Variants in GABRE observed in about 807,000 individuals in gnomAD.
GABRE encodes the protein gamma-aminobutyric acid receptor subunit epsilon.
A neutral mutation model predicts 31.0 loss-of-function variants in GABRE; 20 were observed. The ratio of observed to expected loss-of-function variants is 0.64; its 90% CI spans 0.45 to 0.94. The LOEUF is 0.94. Ranked by LOEUF, GABRE falls within the 40% of genes least tolerant of loss-of-function variation. The pLI is 0.00. For synonymous variants in GABRE, 155 were observed against 150.6 expected (o/e 1.03, Z -0.21); for missense variants, 420 against 410.7 (o/e 1.02, Z -0.20).
chrX:151,967,046 A>T lies in GABRE; in HGVS notation c.342+2623T>A, dbSNP rs150659187. Among the ~76,000 whole-genome samples the T allele has an allele frequency of 2.8e-3, 308 of 111,763 alleles. 1 individual carries two copies. The highest frequency in any genetic ancestry group is 1.8e-3 in the Non-Finnish European group (97 of 53,156). On this transcript the variant is annotated intron_variant, in intron 3 of 8. Coordinates refer to ENST00000370328, the MANE Select transcript of GABRE (RefSeq NM_004961.4). ...GAAATTGGCTTCCCAAACAGCAAGG[A>T]GATTTTAGTCACAAATTCTCCACTA...
intron 6 of GABRE, chrX:151,958,644 G>T (rs779547865): frequency 1.1e-5 from 4 of 377,360 alleles, no homozygotes; most frequent in South Asian, 9.8e-5. Context: ...GGAACCACTA[G>T]TGACTTGAAA....
intron 3 of GABRE, among the ~76,000 whole-genome samples, chrX:151,967,705 T>C: frequency 8.9e-6 from 1 of 112,721 alleles, no homozygotes; most frequent in Non-Finnish European, 1.9e-5. Context: ...AATCTGATTA[T>C]CAAGGGAAGA....
In GABRE at chrX:151,953,657, A is replaced by C. The variant is rs1414731169; in HGVS notation, c.*1044T>G. 8.9e-6 allele frequency: 1 copy of C among 112,376 alleles called. No individual in the cohort carries two copies. Among genetic ancestry groups the C allele is most frequent in the African/African-American group, 3.2e-5 (1 of 30,880 alleles). The allele number at this position is 112,376 out of a possible 1,213,427, so 9.3% of individuals were successfully genotyped here. A position where few individuals can be genotyped will look rare whatever the true frequency, so the allele number is the denominator to read the frequency against. On this transcript the variant is annotated 3_prime_UTR_variant, in exon 9 of 9. Coordinates refer to ENST00000370328, the MANE Select transcript of GABRE (RefSeq NM_004961.4). ...ATACAAATTTAAGGGAATTTGATTG[A>C]TTGATTGTGATGGTTAGAGTGCCCC... is the stretch of plus-strand genomic sequence containing the variant.
rs370044001 is a variant in GABRE, at chrX:151,955,103, G to T, written c.1138-19C>A. 1 of 1,198,761 alleles carries T rather than the reference G, an allele frequency of 8.3e-7. No homozygotes were observed. Among genetic ancestry groups the T allele is most frequent in the Non-Finnish European group, 1.1e-6 (1 of 888,382 alleles). ...TACGAGGCTAAAATGGACAAGGAAAGAAGTGGGGAAAAGTCAAGGGAAGAT... is the reference window on the plus strand; with the variant it reads ...TACGAGGCTAAAATGGACAAGGAAATAAGTGGGGAAAAGTCAAGGGAAGAT... On this transcript the variant is annotated intron_variant, in intron 8 of 8. Coordinates refer to ENST00000370328, the MANE Select transcript of GABRE (RefSeq NM_004961.4).
intron 1 of GABRE, chrX:151,972,809 C>T (rs1471285521): frequency 5.2e-5 from 13 of 248,447 alleles, no homozygotes; most frequent in Non-Finnish European, 6.7e-5. Flanking sequence ...TACCTTTCCC[C>T]AGCCAGCCAT....
chrX:151,962,493 C>T lies in GABRE; in HGVS notation c.493G>A (p.Glu165Lys), dbSNP rs769356968. The change falls in exon 4 of 9, where the codon GAG becomes AAG. Residue 165 changes from glutamate (E) to lysine (K), a missense_variant. Coordinates refer to ENST00000370328, the MANE Select transcript of GABRE (RefSeq NM_004961.4). Reference protein sequence around the residue: ...TFFRNSKRTHEHEITMPNQMV... With the variant: ...TFFRNSKRTHKHEITMPNQMV... ...TGGTTGGGCATGGTGATCTCATGCT[C>T]GTGGGTCCTCTTAGAATTCCTAAAA... is the stretch of plus-strand genomic sequence containing the variant. The T allele has an allele frequency of 4.1e-6, 5 of 1,211,114 alleles. No individual in the cohort carries two copies. Among genetic ancestry groups the T allele is most frequent in the Admixed American group, 2.2e-5 (1 of 45,955 alleles).
chrX:151,967,466 T>C (rs774872317), intron 3 of GABRE, among the ~76,000 whole-genome samples: 2 of 111,893 alleles, frequency 1.8e-5, no homozygotes, highest in Admixed American at 1.9e-4. Context: ...CGTGAGCCAC[T>C]TTCCCCACTC....
chrX:151,957,759 C>A, intron 6 of GABRE: 4 of 217,638 alleles, frequency 1.8e-5, no homozygotes, highest in African/African-American at 5.8e-5. Context: ...GCTGATGAAC[C>A]AAAGCAAAAA....
intron 1 of GABRE, among the ~76,000 whole-genome samples, chrX:151,974,209 C>T (rs1444879437): frequency 8.9e-6 from 1 of 111,988 alleles, no homozygotes; most frequent in Non-Finnish European, 1.9e-5. Flanking sequence ...CTGCCCTGGC[C>T]GGTCACCCCG....
chrX:151,964,576 T>A (rs1451306297), intron 3 of GABRE, among the ~76,000 whole-genome samples: 2 of 111,663 alleles, frequency 1.8e-5, no homozygotes. Context: ...GCTGTGATGC[T>A]ACTCCAGCCA....
chrX:151,962,348 C>T, intron 4 of GABRE, 75 bp downstream of exon 4: 1 of 914,358 alleles, frequency 1.1e-6, no homozygotes, highest in Non-Finnish European at 1.6e-6. Context: ...AGATCTCTGC[C>T]CATGGATCTT....
Position 151,965,160 on chromosome X carries a change from G to C in GABRE, c.343-2517C>G, listed in dbSNP as rs188226760. The stretch of plus-strand genomic sequence containing the variant: ...AGCGAGACTCCATCTCAGGGGAGCT[G>C]GGGGGGAAAGGAGTGTTTTGAGTCA... On this transcript the variant is annotated intron_variant, in intron 3 of 8. Transcript: ENST00000370328. Among the ~76,000 whole-genome samples, 24 of 111,307 alleles carry C rather than the reference G, an allele frequency of 2.2e-4. 1 individual carries two copies. Among genetic ancestry groups the C allele is most frequent in the African/African-American group, 7.8e-4 (24 of 30,652 alleles).
intron 3 of GABRE, among the ~76,000 whole-genome samples, chrX:151,968,841 G>A (rs943078557): frequency 8.9e-6 from 1 of 112,229 alleles, no homozygotes. Context: ...GCAAGATCAG[G>A]TAAACACCTG....
rs747540020 is a variant in GABRE, at chrX:151,955,769, C to T, written c.876G>A (p.Thr292=). The part of the protein sequence containing the change: ...FQNYVPSSVT[T]MLSWVSFWIK... The stretch of plus-strand genomic sequence containing the variant: ...TCCAAAAGGAAACCCAGGAGAGCAT[C>T]GTGGTCACGGAAGAAGGGACATAGT... The change falls in exon 7 of 9, where the codon ACG becomes ACA. Residue 292 remains threonine (T), a synonymous_variant. Coordinates refer to ENST00000370328, the MANE Select transcript of GABRE (RefSeq NM_004961.4). The T allele has an allele frequency of 5.0e-6, 6 of 1,211,874 alleles. No homozygotes were observed. Among genetic ancestry groups the T allele is most frequent in the East Asian group, 3.0e-5 (1 of 33,830 alleles).
At chrX:151,958,361 G>T (rs1291346485) in intron 6 of GABRE, 1 of 245,208 alleles carries the variant, frequency 4.1e-6, no homozygotes, top group African/African-American at 3.0e-5. Context: ...GAGCACGTAA[G>T]TATGCTCCAG....
At position 151,955,851 on chromosome X, in the gene GABRE, A is replaced by C. The variant is rs1365501425; in HGVS notation, c.794T>G (p.Met265Arg). The change falls in exon 7 of 9, where the codon ATG (methionine) becomes AGG (arginine). Residue 265 changes from methionine (M) to arginine (R), a missense_variant. Met to Arg is a moderately conservative substitution (Grantham distance 91). Transcript: ENST00000370328. ...CACATTGAAGAAAATCGTCATGACC[A>C]TGAAGTCACCTGAAAGACACAAAAA... ...EIITTPVGDF[M>R]VMTIFFNVSR... is the part of the protein sequence containing the mutation. 1 of 1,210,458 alleles carries C rather than the reference A, an allele frequency of 8.3e-7. No individual in the cohort carries two copies. The highest frequency in any genetic ancestry group is 2.2e-5 in the Admixed American group (1 of 45,876).
intron 4 of GABRE, among the ~76,000 whole-genome samples, chrX:151,961,607 G>A (rs188124852): frequency 1.9e-3 from 207 of 111,005 alleles, no homozygotes; most frequent in African/African-American, 6.3e-3. Flanking sequence ...GCTGGAATTA[G>A]TGCCAGCACA....
At chrX:151,959,729 C>T (rs1357137796) in intron 6 of GABRE, 110 bp downstream of exon 6, 1 of 819,110 alleles carries the variant, frequency 1.2e-6, no homozygotes, top group Non-Finnish European at 1.8e-6. Context: ...AAGACAGGAG[C>T]CATGTCTTAC....
intron 1 of GABRE, among the ~76,000 whole-genome samples, chrX:151,973,735 A>G (rs2266859): frequency 0.31 from 33,917 of 110,976 alleles, 3,744 homozygotes; most frequent in South Asian, 0.39. Flanking sequence ...CCTCCTAGCC[A>G]AGTCTCAGGG....
Sources: allele counts gnomAD v4.1 joint callset (sites outside exome capture counted in the v4.1 genomes callset), GRCh38; gene constraint gnomAD v4.1.1; transcripts MANE v1.5; gene names NCBI Gene and HGNC (gene_info 2026-07-23, HGNC 2026-07-21).